CELF4: variants seen among roughly 807,000 people sequenced by gnomAD.
The protein encoded by CELF4 is CUG-BP- and ETR-3-like factor 4.
CELF4 carries 18 observed loss-of-function variants against 59.9 expected under a neutral mutation model. The ratio of observed to expected loss-of-function variants is 0.30; its 90% CI spans 0.21 to 0.45. The LOEUF is 0.45. Among genes scored for constraint, CELF4 ranks in the 20% least tolerant of loss-of-function variants. CELF4 has a pLI of 1.00. For missense variants in CELF4, 456 were observed against 689.0 expected (o/e 0.66, Z 3.79); for synonymous variants, 261 against 267.1 (o/e 0.98, Z 0.22).
chr18:37,490,898 A>C (rs1167852596), intron 1 of CELF4, among the ~76,000 whole-genome samples: 2 of 152,180 alleles, frequency 1.3e-5, no homozygotes, highest in South Asian at 4.1e-4. Context: ...GCACCAGCTC[A>C]TAATGGAGTC....
chr18:37,286,483 C>T (rs2094786285), intron 3 of CELF4, among the ~76,000 whole-genome samples: 2 of 152,180 alleles, frequency 1.3e-5, no homozygotes, highest in African/African-American at 2.4e-5. Context: ...GCATGGGCCT[C>T]CTCGGTGCCT....
chr18:37,372,022 C>T (rs1452933332), intron 2 of CELF4, among the ~76,000 whole-genome samples: 1 of 152,198 alleles, frequency 6.6e-6, no homozygotes, highest in Non-Finnish European at 1.5e-5. Flanking sequence ...TCTACTTTTA[C>T]ATTGTTGGTG....
At chr18:37,358,845 T>C (rs1279725672) in intron 2 of CELF4, among the ~76,000 whole-genome samples, 1 of 152,132 alleles carries the variant, frequency 6.6e-6, no homozygotes, top group African/African-American at 2.4e-5. Context: ...GGTTCATGCC[T>C]GTAATCCTAG....
At chr18:37,333,382 CT>C (rs2097631337) in intron 2 of CELF4, among the ~76,000 whole-genome samples, 1 of 151,716 alleles carries the variant, frequency 6.6e-6, no homozygotes, top group South Asian at 2.1e-4. Context: ...CCTTCTTCCC[CT>C]CTTTCCCCTC....
chr18:37,324,401 A>G (rs1270542135), intron 2 of CELF4, among the ~76,000 whole-genome samples: 2 of 152,196 alleles, frequency 1.3e-5, no homozygotes, highest in Non-Finnish European at 1.5e-5. Context: ...GTGCACACAG[A>G]GAGAAAACCA....
rs575632572 is a variant in CELF4, at chr18:37,373,672, C to G, written c.370-51791G>C. On this transcript the variant is annotated intron_variant, in intron 2 of 12. Coordinates refer to ENST00000420428, the MANE Select transcript of CELF4 (RefSeq NM_020180.4). Reference sequence around the variant, plus strand: ...GAGCGAGCCAGGTCTAGAGTGGGCTCTGTCCCAAAACCTCCCTGCCAGGTT... The same window carrying G: ...GAGCGAGCCAGGTCTAGAGTGGGCTGTGTCCCAAAACCTCCCTGCCAGGTT... 6.6e-5 allele frequency among the ~76,000 whole-genome samples: 10 copies of G among 152,340 alleles called. No individual in the cohort carries two copies. The East Asian group carries it at 1.9e-3, about 29-fold the overall frequency.
chr18:37,288,658 G>A (rs1307261784), intron 3 of CELF4, among the ~76,000 whole-genome samples: 3 of 152,182 alleles, frequency 2.0e-5, no homozygotes, highest in African/African-American at 7.2e-5. Flanking sequence ...TGGTCATGAG[G>A]CCCTGCTGAG....
chr18:37,262,532 T>A (rs1378955133), intron 10 of CELF4, among the ~76,000 whole-genome samples: 1 of 152,002 alleles, frequency 6.6e-6, no homozygotes, highest in African/African-American at 2.4e-5. Flanking sequence ...GGGCCTCAGT[T>A]TAAGGCCTGC....
chr18:37,459,538 G>T (rs1456845414), intron 2 of CELF4, among the ~76,000 whole-genome samples: 1 of 152,100 alleles, frequency 6.6e-6, no homozygotes, highest in African/African-American at 2.4e-5. Context: ...GATGTGATGT[G>T]CTGGAAGTGG....
chr18:37,507,131 T>C (rs1320309545), intron 1 of CELF4, among the ~76,000 whole-genome samples: 1 of 152,136 alleles, frequency 6.6e-6, no homozygotes, highest in Non-Finnish European at 1.5e-5. Context: ...TGGAGAACTG[T>C]CTTGCCCACT....
intron 2 of CELF4, among the ~76,000 whole-genome samples, chr18:37,357,652 A>C (rs935969911): frequency 6.6e-6 from 1 of 152,168 alleles, no homozygotes; most frequent in Non-Finnish European, 1.5e-5. Context: ...CAGCTTGCAT[A>C]GTGTGCCTGG....
At chr18:37,454,969 C>T (rs2099774219) in intron 2 of CELF4, among the ~76,000 whole-genome samples, 2 of 152,172 alleles carry the variant, frequency 1.3e-5, no homozygotes, top group Admixed American at 6.5e-5. Context: ...TCAGCTCTGC[C>T]GTGGCCAAAG....
chr18:37,275,128 G>T lies in CELF4; in HGVS notation c.564C>A (p.Asp188Glu). The change falls in exon 4 of 13, where the codon GAC (aspartate) becomes GAA (glutamate). Residue 188 changes from aspartate to glutamate, a missense_variant. Transcript: ENST00000420428. The stretch of plus-strand genomic sequence containing the variant: ...CGCCCCGCGCACCCTTGCTGTTGCC[G>T]TCGGGCCCGCGCAGGATGGTGCACT... ...IEECTILRGP[D>E]GNSKGCAFVK... 6.2e-7 allele frequency: 1 copy of T among 1,613,260 alleles called. No homozygotes were observed. The highest frequency in any genetic ancestry group is 8.5e-7 in the Non-Finnish European group (1 of 1,179,840).
intron 2 of CELF4, among the ~76,000 whole-genome samples, chr18:37,342,184 C>A (rs1478438455): frequency 6.6e-6 from 1 of 151,454 alleles, no homozygotes; most frequent in African/African-American, 2.4e-5. Flanking sequence ...GGGCTGTGGC[C>A]ATTTTGTATC....
chr18:37,500,517 TTTTC>T (rs1569569668), intron 1 of CELF4, among the ~76,000 whole-genome samples: 2 of 36,452 alleles, frequency 5.5e-5, no homozygotes, highest in East Asian at 4.5e-3. Flanking sequence ...GCTCATTTTC[TTTTC>T]TTTTCTTTTC....
chr18:37,334,976 G>A (rs2097711457), intron 2 of CELF4, among the ~76,000 whole-genome samples: 1 of 151,850 alleles, frequency 6.6e-6, no homozygotes, highest in South Asian at 2.1e-4. Context: ...CTGGGCTTTA[G>A]ATTTAATCAC....
At chr18:37,479,818 C>A (rs1264661400) in intron 2 of CELF4, among the ~76,000 whole-genome samples, 2 of 152,184 alleles carry the variant, frequency 1.3e-5, no homozygotes, top group African/African-American at 2.4e-5. Flanking sequence ...GAAATAGGGT[C>A]TTTGCAGATG....
At chr18:37,517,583 A>C (rs2099952185) in intron 1 of CELF4, among the ~76,000 whole-genome samples, 1 of 152,138 alleles carries the variant, frequency 6.6e-6, no homozygotes, top group African/African-American at 2.4e-5. Context: ...CAACCAGAAC[A>C]GTTGGTCGCC....
chr18:37,358,285 C>T (rs1373507087), intron 2 of CELF4, among the ~76,000 whole-genome samples: 1 of 152,168 alleles, frequency 6.6e-6, no homozygotes, highest in Non-Finnish European at 1.5e-5. Context: ...CAAGATCTGG[C>T]AGTTTTAAAA....
Sources: allele counts gnomAD v4.1 joint callset (sites outside exome capture counted in the v4.1 genomes callset), GRCh38; gene constraint gnomAD v4.1.1; transcripts MANE v1.5; gene names NCBI Gene and HGNC (gene_info 2026-07-23, HGNC 2026-07-21).